Variants in NOP14 observed in about 807,000 individuals in gnomAD.
The protein encoded by NOP14 is NOP14 nucleolar protein.
Under a neutral mutation model 101.6 loss-of-function variants are expected in NOP14, and 57 were observed. That is an observed-to-expected ratio of 0.56 (90% confidence interval 0.45 to 0.70). NOP14 has a LOEUF of 0.70. Ranked by LOEUF, NOP14 falls within the 30% of genes least tolerant of loss-of-function variation. NOP14 has a pLI of 0.00. For missense variants in NOP14, 1,134 were observed against 1,075.5 expected (o/e 1.05, Z -0.76); for synonymous variants, 428 against 424.0 (o/e 1.01, Z -0.12).
At chr4:2,963,064 G>C in intron 1 of NOP14, 61 bp downstream of exon 1, 1 of 1,441,032 alleles carries the variant, frequency 6.9e-7, no homozygotes, top group Non-Finnish European at 9.1e-7. Flanking sequence ...GGACGCAGCC[G>C]GCCGAGAGCA....
chr4:2,951,730 G>A (rs577673346), intron 6 of NOP14, among the ~76,000 whole-genome samples: 7 of 152,336 alleles, frequency 4.6e-5, no homozygotes, highest in East Asian at 3.9e-4. Context: ...GTGGGAGGCC[G>A]TGGTGGGAGG....
chr4:2,959,245 C>T (rs956577664), intron 1 of NOP14, among the ~76,000 whole-genome samples: 1 of 152,154 alleles, frequency 6.6e-6, no homozygotes, highest in African/African-American at 2.4e-5. Flanking sequence ...GTTATTAATC[C>T]CTAGTAACTT....
rs193128726 is a variant in NOP14 at position 2,956,264 on chromosome 4, T to C, written c.472+406A>G. ...CACTGGTACAAATATTAGGCTGGAA[T>C]TGATAAAGTAGGGGGAGCAAAGTAG... On this transcript the variant is annotated intron_variant, in intron 3 of 17. Transcript: ENST00000416614. Among the ~76,000 whole-genome samples the C allele has an allele frequency of 6.5e-4, 99 of 152,250 alleles. 1 individual carries two copies. In the Middle Eastern group the frequency reaches 0.01, roughly 16 times the overall value.
At chr4:2,953,420 G>C in intron 5 of NOP14, 91 bp downstream of exon 5, 1 of 1,423,498 alleles carries the variant, frequency 7.0e-7, no homozygotes, top group East Asian at 2.3e-5. Context: ...GAGACAGGTA[G>C]AAGAGCCGTC....
Position 2,950,107 on chromosome 4 carries a change from G to A in NOP14, c.1109C>T (p.Thr370Ile), listed in dbSNP as rs983011540. ...GCTATCTGGGCTGTCGCTCTCCTCTGTGTCCTCCCCGCCTGAACTGTCACC... is the reference window on the plus strand; with the variant it reads ...GCTATCTGGGCTGTCGCTCTCCTCTATGTCCTCCCCGCCTGAACTGTCACC... ...EEGDSSGGED[T>I]EESDSPDSHL... is the part of the protein sequence containing the mutation. Residue 370 changes from threonine (T) to isoleucine (I), a missense_variant, in exon 8 of 18, where the codon ACA (threonine) becomes ATA (isoleucine). Physicochemically the swap from Thr to Ile is moderately conservative, Grantham distance 89. Transcript: ENST00000416614. The A allele has an allele frequency of 1.2e-6, 2 of 1,614,088 alleles. No individual in the cohort carries two copies. Among genetic ancestry groups the A allele is most frequent in the Non-Finnish European group, 1.7e-6 (2 of 1,180,002 alleles).
At position 2,938,352 on chromosome 4, in the gene NOP14, C is replaced by T. The variant is rs1359024753; in HGVS notation, c.*479G>A. 1 of 511,202 alleles carries T rather than the reference C, an allele frequency of 2.0e-6. No individual in the cohort carries two copies. Among genetic ancestry groups the T allele is most frequent in the Admixed American group, 2.8e-5 (1 of 35,912 alleles). The allele number at this position is 511,202 out of a possible 1,614,324, so 31.7% of individuals were successfully genotyped here. On this transcript the variant is annotated 3_prime_UTR_variant, in exon 18 of 18. Coordinates refer to ENST00000416614, the MANE Select transcript of NOP14 (RefSeq NM_001291978.2). ...CCTGACCAACATGGAGAAACCCCGT[C>T]TCTACTAAAAATACAAAATTAGCTG...
chr4:2,953,578 T>C lies in NOP14; in HGVS notation c.680A>G (p.Glu227Gly), dbSNP rs1242523150. The C allele has an allele frequency of 1.9e-6, 3 of 1,614,126 alleles. No individual in the cohort carries two copies. The highest frequency in any genetic ancestry group is 2.5e-6 in the Non-Finnish European group (3 of 1,180,056). ...TTTGTGGGACAGGAGAGTCTGAATT[T>C]CTTTCCAGTCTTGGTCTAGCTTCTC... ...LTEKLDQDWKEIQTLLSHKTP... is the reference protein window; with the variant it reads ...LTEKLDQDWKGIQTLLSHKTP... Residue 227 changes from glutamate (E) to glycine (G), a missense_variant, in exon 5 of 18, where the codon GAA becomes GGA. Coordinates refer to ENST00000416614, the MANE Select transcript of NOP14 (RefSeq NM_001291978.2).
In NOP14 at chr4:2,942,174, C is replaced by T. The variant is rs777129498; in HGVS notation, c.2051+18G>A. 5.6e-6 allele frequency: 9 copies of T among 1,608,930 alleles called. No homozygotes were observed. Among genetic ancestry groups the T allele is most frequent in the South Asian group, 2.2e-5 (2 of 90,734 alleles). On this transcript the variant is annotated intron_variant, in intron 14 of 17. Coordinates refer to ENST00000416614, the MANE Select transcript of NOP14 (RefSeq NM_001291978.2). ...ACGCTGTAGGGCACAGGCCCCAAAG[C>T]GGGGTCCCCTCACATACCGGATGTG...
In NOP14 at chr4:2,959,666, C is replaced by A. The variant is rs139328634; in HGVS notation, c.196-1926G>T. 3.1e-3 allele frequency among the ~76,000 whole-genome samples: 476 copies of A among 152,216 alleles called. 4 individuals carry two copies. Among genetic ancestry groups the A allele is most frequent in the Non-Finnish European group, 5.6e-3 (384 of 68,010 alleles). The stretch of plus-strand genomic sequence containing the variant: ...TTCCTGAACCAGAGTCTAAAGACAG[C>A]GAGTGTCCCCAGATAGACCAGAGGG... On this transcript the variant is annotated intron_variant, in intron 1 of 17. Coordinates refer to ENST00000416614, the MANE Select transcript of NOP14 (RefSeq NM_001291978.2).
chr4:2,959,633 G>A (rs1388619845), intron 1 of NOP14, among the ~76,000 whole-genome samples: 1 of 151,910 alleles, frequency 6.6e-6, no homozygotes, highest in Non-Finnish European at 1.5e-5. Context: ...AACCACCTTG[G>A]GTACAATTTC....
rs773769738 is a variant in NOP14, at chr4:2,963,369, C to T, written c.-50G>A. 11 of 1,493,054 alleles carry T rather than the reference C, an allele frequency of 7.4e-6. No individual in the cohort carries two copies. The East Asian group carries it at 8.0e-5, about 11-fold the overall frequency. The allele number at this position is 1,493,054 out of a possible 1,614,324, so 92.5% of individuals were successfully genotyped here. A position where few individuals can be genotyped will look rare whatever the true frequency, so the allele number is the denominator to read the frequency against. On this transcript the variant is annotated 5_prime_UTR_variant, in exon 1 of 18. Transcript: ENST00000416614. ...GGCCCGAGACCCGAAGAGAGACAGG[C>T]GCGCGCTACCCTAAGACACGTGCCG...
chr4:2,953,412 G>T, intron 5 of NOP14, 99 bp downstream of exon 5: 1 of 1,321,396 alleles, frequency 7.6e-7, no homozygotes, highest in Non-Finnish European at 1.1e-6. Flanking sequence ...CCCTAAAGGA[G>T]ACAGGTAGAA....
chr4:2,943,731 C>T (rs1560296811), intron 13 of NOP14, among the ~76,000 whole-genome samples: 1 of 152,220 alleles, frequency 6.6e-6, no homozygotes, highest in South Asian at 2.1e-4. Flanking sequence ...CCCCAAATAC[C>T]AAAATATTAT....
At chr4:2,956,082 A>G (rs2109311396) in intron 3 of NOP14, among the ~76,000 whole-genome samples, 1 of 152,368 alleles carries the variant, frequency 6.6e-6, no homozygotes, top group South Asian at 2.1e-4. Flanking sequence ...GGTTCAAGAC[A>G]GTCAGACCCG....
intron 9 of NOP14, 30 bp from the exon 10 acceptor site, chr4:2,947,641 T>C: frequency 1.3e-6 from 2 of 1,556,718 alleles, no homozygotes; most frequent in Non-Finnish European, 1.8e-6. Context: ...GAAATAAAGC[T>C]CAGTGCTCAG....
rs541455846 is a variant in NOP14, at chr4:2,944,350, G to A, written c.1738-124C>T. On this transcript the variant is annotated intron_variant, in intron 12 of 17. Coordinates refer to ENST00000416614, the MANE Select transcript of NOP14 (RefSeq NM_001291978.2). ...CTTCACAAGTACAGAGGGAACCCCC[G>A]CACCTTATAGCAGTGTCGAGAGCAT... is the stretch of plus-strand genomic sequence containing the variant. 1.9e-5 allele frequency: 13 copies of A among 674,558 alleles called. No individual in the cohort carries two copies. In the South Asian group the frequency reaches 2.9e-4, roughly 15 times the overall value. 41.8% of individuals were successfully genotyped at this position (674,558 alleles called of 1,614,324 possible).
chr4:2,941,927 G>A (rs755039821), intron 14 of NOP14, 198 bp from the exon 15 acceptor site: 43 of 675,850 alleles, frequency 6.4e-5, no homozygotes, highest in Non-Finnish European at 9.3e-5. Flanking sequence ...AGGGGAGGCT[G>A]TGGGAACCGC....
intron 3 of NOP14, among the ~76,000 whole-genome samples, chr4:2,954,902 TCGC>T: frequency 6.6e-6 from 1 of 151,792 alleles, no homozygotes; most frequent in Non-Finnish European, 1.5e-5. Flanking sequence ...GGTGGGAGCG[TCGC>T]CCAGGATCAG....
intron 10 of NOP14, 48 bp downstream of exon 10, chr4:2,947,478 T>G (rs755059292): frequency 8.6e-6 from 11 of 1,285,138 alleles, no homozygotes; most frequent in South Asian, 3.6e-5. Flanking sequence ...GGGAGAAAAA[T>G]TGTTCTGCTT....
Sources: allele counts gnomAD v4.1 joint callset (sites outside exome capture counted in the v4.1 genomes callset), GRCh38; gene constraint gnomAD v4.1.1; transcripts MANE v1.5; gene names NCBI Gene and HGNC (gene_info 2026-07-23, HGNC 2026-07-21).